The following RELN variants were observed in gnomAD, a reference collection of about 807,000 sequenced individuals.
RELN encodes reelin.
RELN carries 108 observed loss-of-function variants against 427.6 expected under a neutral mutation model. The ratio of observed to expected loss-of-function variants is 0.25; its 90% CI spans 0.22 to 0.30. The LOEUF is 0.30. RELN is among the 10% of genes least tolerant of loss of function. The pLI is 1.00. For missense variants in RELN, 3,715 were observed against 4,302.8 expected, an observed-to-expected ratio of 0.86 and a Z score of 3.82; for synonymous variants, 1,524 against 1,513.4, an observed-to-expected ratio of 1.01 and a Z score of -0.16.
At chr7:103,765,086 A>G (rs924033337) in intron 4 of RELN, among the ~76,000 whole-genome samples, 10 of 151,522 alleles carry the variant, frequency 6.6e-5, no homozygotes, top group Non-Finnish European at 1.3e-4. Context: ...CTGCTCTTTC[A>G]AGAAGCTGGA....
intron 3 of RELN, among the ~76,000 whole-genome samples, chr7:103,826,112 T>C (rs1286245349): frequency 6.6e-6 from 1 of 152,050 alleles, no homozygotes; most frequent in Non-Finnish European, 1.5e-5. Context: ...AAGGATGAGA[T>C]GGGCTCCTTT....
intron 61 of RELN, among the ~76,000 whole-genome samples, chr7:103,485,002 C>T (rs1186539989): frequency 6.6e-6 from 1 of 152,046 alleles, no homozygotes; most frequent in African/African-American, 2.4e-5. Context: ...CTAGATAGAC[C>T]TTTTAGGCAT....
intron 2 of RELN, among the ~76,000 whole-genome samples, chr7:103,907,085 G>A (rs1795223425): frequency 6.6e-6 from 1 of 152,040 alleles, no homozygotes; most frequent in Non-Finnish European, 1.5e-5. Flanking sequence ...AGTGATATAT[G>A]TTATGCCAGG....
rs1032116556 is a variant in RELN at position 103,573,128 on chromosome 7, A to G, written c.4512-868T>C. Among the ~76,000 whole-genome samples, 2 of 152,214 alleles carry G rather than the reference A, an allele frequency of 1.3e-5. No individual in the cohort carries two copies. The highest frequency in any genetic ancestry group is 6.5e-5 in the Admixed American group (1 of 15,286). On this transcript the variant is annotated intron_variant, in intron 30 of 64. Coordinates refer to ENST00000428762, the MANE Select transcript of RELN (RefSeq NM_005045.4). The surrounding 1 kb of genome is among the most constrained non-coding windows in gnomAD (Gnocchi z 4.4). ...TAATTTTTCTATTTTCAGTAGAGACAGGGTTTTGCCATGTTGGCCAGGAGC... is the reference window on the plus strand; with the variant it reads ...TAATTTTTCTATTTTCAGTAGAGACGGGGTTTTGCCATGTTGGCCAGGAGC...
At chr7:103,494,906 G>A (rs1015284219) in intron 57 of RELN, among the ~76,000 whole-genome samples, 3 of 152,010 alleles carry the variant, frequency 2.0e-5, no homozygotes, top group Non-Finnish European at 4.4e-5. Flanking sequence ...AGAAAAAATG[G>A]CTCAATGCAC....
intron 1 of RELN, among the ~76,000 whole-genome samples, chr7:103,944,757 C>T (rs1796185064): frequency 6.6e-6 from 1 of 152,152 alleles, no homozygotes; most frequent in Non-Finnish European, 1.5e-5. Flanking sequence ...TCTTCAGCCA[C>T]TCACCCCTGG....
chr7:103,630,854 T>TTTTTTG (rs1562930933), intron 19 of RELN, among the ~76,000 whole-genome samples: 3 of 109,448 alleles, frequency 2.7e-5, no homozygotes, highest in African/African-American at 7.2e-5. Context: ...TTTTTTTGTT[T>TTTTTTG]TTTTTGTTTT....
At chr7:103,557,241 T>C (rs1347077122) in intron 37 of RELN, 82 bp from the exon 38 acceptor site, 1 of 1,159,068 alleles carries the variant, frequency 8.6e-7, no homozygotes, top group Non-Finnish European at 1.3e-6. Context: ...TCTTTAGGCA[T>C]CAATGCATAA....
chr7:103,594,286 A>T, intron 26 of RELN, 35 bp downstream of exon 26: 1 of 1,575,038 alleles, frequency 6.3e-7, no homozygotes, highest in South Asian at 1.1e-5. Context: ...TTTTATAATT[A>T]TCTGTCTTCT....
intron 1 of RELN, among the ~76,000 whole-genome samples, chr7:103,947,121 A>T (rs1796236534): frequency 6.6e-6 from 1 of 152,186 alleles, no homozygotes; most frequent in Non-Finnish European, 1.5e-5. Context: ...CAACAGTCAT[A>T]ATGCTTTATT....
At position 103,523,520 on chromosome 7, in the gene RELN, G is replaced by A. The variant is rs758079730; in HGVS notation, c.7361C>T (p.Thr2454Ile). 1.2e-6 allele frequency: 2 copies of A among 1,614,056 alleles called. No individual in the cohort carries two copies. The highest frequency in any genetic ancestry group is 1.7e-6 in the Non-Finnish European group (2 of 1,180,012). ...PLPPYTRSQATRFRWHQPAPF... is the reference protein window; with the variant it reads ...PLPPYTRSQAIRFRWHQPAPF... ...AGCTGGTTGATGCCAACGGAAACGA[G>A]TGGCTTGGGACCTTTGAAGAAGATG... Residue 2454 changes from threonine to isoleucine, a missense_variant, in exon 47 of 65, where the codon ACT (threonine) becomes ATT (isoleucine). Coordinates refer to ENST00000428762, the MANE Select transcript of RELN (RefSeq NM_005045.4).
chr7:103,567,752 T>C (rs1034846931), intron 31 of RELN, among the ~76,000 whole-genome samples: 2 of 150,340 alleles, frequency 1.3e-5, no homozygotes, highest in Non-Finnish European at 3.0e-5. Context: ...GATATTACGC[T>C]CAGTAAAGTT....
intron 1 of RELN, among the ~76,000 whole-genome samples, chr7:103,931,724 A>G (rs1049194106): frequency 6.6e-6 from 1 of 152,196 alleles, no homozygotes; most frequent in Non-Finnish European, 1.5e-5. Context: ...TTTAATGTCA[A>G]TTCGCACAGG....
chr7:103,899,314 A>G (rs1328684011), intron 2 of RELN, among the ~76,000 whole-genome samples: 7 of 152,032 alleles, frequency 4.6e-5, no homozygotes, highest in Admixed American at 4.6e-4. Context: ...CCTACCAACC[A>G]AAAAAAGTCC....
intron 20 of RELN, among the ~76,000 whole-genome samples, chr7:103,622,403 G>A (rs1428726573): frequency 6.6e-6 from 1 of 152,078 alleles, no homozygotes; most frequent in African/African-American, 2.4e-5. Flanking sequence ...TAGCATCCTA[G>A]CTGAGCTCCT....
intron 3 of RELN, among the ~76,000 whole-genome samples, chr7:103,794,948 G>T (rs930396715): frequency 6.6e-6 from 1 of 152,090 alleles, no homozygotes; most frequent in African/African-American, 2.4e-5. Context: ...ACAGAACATC[G>T]TGCTTACCAT....
At chr7:103,939,056 C>T (rs1184924885) in intron 1 of RELN, among the ~76,000 whole-genome samples, 1 of 151,960 alleles carries the variant, frequency 6.6e-6, no homozygotes, top group Non-Finnish European at 1.5e-5. Flanking sequence ...AAGTGATTCT[C>T]ATGCCTCAGC....
chr7:103,949,290 T>G (rs550805123), intron 1 of RELN, among the ~76,000 whole-genome samples: 77 of 152,210 alleles, frequency 5.1e-4, no homozygotes, highest in African/African-American at 1.8e-3. Flanking sequence ...TGGAAAAGCC[T>G]GTTGCTATGG....
At chr7:103,494,120 C>T (rs1414452117) in intron 57 of RELN, among the ~76,000 whole-genome samples, 8 of 152,080 alleles carry the variant, frequency 5.3e-5, no homozygotes, top group Non-Finnish European at 1.2e-4. Context: ...GGAAGTGTAA[C>T]ACTTCTTCAT....
Sources: gnomAD v4.1 joint callset for allele counts (sites outside exome capture counted in the v4.1 genomes callset) on GRCh38, gnomAD v4.1.1 for gene constraint, Gnocchi (gnomAD v3.1) non-coding constraint, MANE v1.5 for transcripts, NCBI Gene and HGNC (gene_info 2026-07-23, HGNC 2026-07-21) for gene names.